SLC1A2: variants seen among roughly 807,000 people sequenced by gnomAD.
SLC1A2 encodes excitatory amino acid transporter 2.
A neutral mutation model predicts 48.8 loss-of-function variants in SLC1A2; 15 were observed. The observed-to-expected ratio is 0.31, with a 90% confidence interval of 0.21 to 0.47. SLC1A2 has a LOEUF of 0.47. SLC1A2 is among the 20% of genes least tolerant of loss of function. The probability of loss-of-function intolerance (pLI) is 0.99; values close to 1 mark genes in which losing one functional copy is unlikely to be tolerated. For missense variants in SLC1A2, 502 were observed against 730.5 expected, an observed-to-expected ratio of 0.69 and a Z score of 3.61; for synonymous variants, 279 against 272.6, an observed-to-expected ratio of 1.02 and a Z score of -0.23.
At chr11:35,284,087 TTATATA>T (rs34252173) in intron 8 of SLC1A2, among the ~76,000 whole-genome samples, 3 of 115,900 alleles carry the variant, frequency 2.6e-5, no homozygotes, top group Non-Finnish European at 3.5e-5. Context: ...GAAGATTTTA[TTATATA>T]TATATATATA....
intron 1 of SLC1A2, among the ~76,000 whole-genome samples, chr11:35,351,070 T>C (rs964927394): frequency 6.6e-6 from 1 of 152,220 alleles, no homozygotes; most frequent in African/African-American, 2.4e-5. Flanking sequence ...AATATACTAA[T>C]GATGGCTAAC....
chr11:35,271,205 C>G lies in SLC1A2; in HGVS notation c.1422-5447G>C, dbSNP rs16927226. Among the ~76,000 whole-genome samples the G allele has an allele frequency of 4.7e-3, 722 of 152,290 alleles. 7 individuals carry two copies. The highest frequency in any genetic ancestry group is 0.016 in the African/African-American group (685 of 41,552). On this transcript the variant is annotated intron_variant, in intron 9 of 10. Transcript: ENST00000278379. ...ATGGTCAGTTGGAGCGGGAAAGATT[C>G]TGGCTTTGGTTTGGACACGTTGAGG...
chr11:35,328,624 C>T (rs774592353), intron 1 of SLC1A2, among the ~76,000 whole-genome samples: 8 of 152,136 alleles, frequency 5.3e-5, no homozygotes, highest in Non-Finnish European at 1.2e-4. Context: ...CCCTCCAGCC[C>T]GAGAAAACTT....
chr11:35,329,689 C>T (rs1289455600), intron 1 of SLC1A2, among the ~76,000 whole-genome samples: 2 of 152,168 alleles, frequency 1.3e-5, no homozygotes, highest in Non-Finnish European at 2.9e-5. Flanking sequence ...ATCCACATAC[C>T]AATGTCTGGT....
chr11:35,346,055 GTTCT>G (rs1170984576), intron 1 of SLC1A2, among the ~76,000 whole-genome samples: 1 of 151,474 alleles, frequency 6.6e-6, no homozygotes, highest in Non-Finnish European at 1.5e-5. Flanking sequence ...GCAGACCCAT[GTTCT>G]TTTTTTTTTT....
At chr11:35,387,600 T>C (rs1015823380) in intron 1 of SLC1A2, among the ~76,000 whole-genome samples, 1 of 152,230 alleles carries the variant, frequency 6.6e-6, no homozygotes, top group Non-Finnish European at 1.5e-5. Context: ...CTATTTGTTT[T>C]TTGTTCTTTT....
intron 1 of SLC1A2, among the ~76,000 whole-genome samples, chr11:35,393,097 C>G (rs1003690547): frequency 1.3e-5 from 2 of 152,140 alleles, no homozygotes; most frequent in Non-Finnish European, 2.9e-5. Context: ...AGTATCTGGT[C>G]CTAGATTCAA....
intron 5 of SLC1A2, among the ~76,000 whole-genome samples, chr11:35,303,874 G>A (rs1851425847): frequency 6.6e-6 from 1 of 152,004 alleles, no homozygotes; most frequent in Admixed American, 6.6e-5. Context: ...TAATCCTCGG[G>A]ACTTTCCAAA....
At chr11:35,295,136 C>G (rs545289805) in intron 6 of SLC1A2, among the ~76,000 whole-genome samples, 1 of 152,132 alleles carries the variant, frequency 6.6e-6, no homozygotes, top group Admixed American at 6.5e-5. Flanking sequence ...TAACCTTGAC[C>G]TCCTGGGCTC....
intron 3 of SLC1A2, among the ~76,000 whole-genome samples, chr11:35,313,452 G>GT (rs929834701): frequency 6.6e-6 from 1 of 152,118 alleles, no homozygotes; most frequent in South Asian, 2.1e-4. Context: ...GCCCCACTGG[G>GT]TTTTTTTCCA....
At chr11:35,358,004 G>A (rs146089676) in intron 1 of SLC1A2, among the ~76,000 whole-genome samples, 2,819 of 152,146 alleles carry the variant, frequency 0.019, 40 homozygotes, top group Non-Finnish European at 0.029. Flanking sequence ...AATTAGCTGG[G>A]TGTGGTGGCA....
chr11:35,350,459 T>G (rs1355614900), intron 1 of SLC1A2, among the ~76,000 whole-genome samples: 1 of 152,154 alleles, frequency 6.6e-6, no homozygotes, highest in Non-Finnish European at 1.5e-5. Flanking sequence ...TACCCCAGAT[T>G]AGGGTGAGAA....
chr11:35,419,783 C>A (rs2135318277), upstream of SLC1A2: 2 of 311,748 alleles, frequency 6.4e-6, no homozygotes, highest in South Asian at 5.1e-5. This position sits in a 1 kb window ranked among gnomAD's most constrained non-coding sequence, Gnocchi z 5.4. Flanking sequence ...CCAGGTCACC[C>A]CGTGCGGGGT....
chr11:35,306,224 T>C lies in SLC1A2; in HGVS notation c.580A>G (p.Lys194Glu), dbSNP rs150854080. ...CFQQIQTVTKKVLVAPPPDEE... is the reference protein window; with the variant it reads ...CFQQIQTVTKEVLVAPPPDEE... Reference sequence around the variant, plus strand: ...TCCGGCGGTGGTGCAACCAGGACTTTCTTCGTCACTGTTTGAATCTAACAG... The same window carrying C: ...TCCGGCGGTGGTGCAACCAGGACTTCCTTCGTCACTGTTTGAATCTAACAG... The change falls in exon 5 of 11, where the codon AAA (lysine) becomes GAA (glutamate). Residue 194 changes from lysine (K) to glutamate (E), a missense_variant. Lys to Glu is a moderately conservative substitution (Grantham distance 56). Coordinates refer to ENST00000278379, the MANE Select transcript of SLC1A2 (RefSeq NM_004171.4). 3.4e-4 allele frequency: 552 copies of C among 1,613,816 alleles called. 4 individuals are homozygous for C. In the South Asian group the frequency reaches 5.4e-3, roughly 16 times the overall value.
At chr11:35,273,604 G>C (rs1286625054) in intron 9 of SLC1A2, among the ~76,000 whole-genome samples, 5 of 152,132 alleles carry the variant, frequency 3.3e-5, no homozygotes, top group African/African-American at 1.2e-4. Flanking sequence ...GGTGAAAAGG[G>C]GATCAGAGCA....
chr11:35,301,439 GC>G (rs1489696383), intron 6 of SLC1A2, 79 bp downstream of exon 6: 1 of 1,377,328 alleles, frequency 7.3e-7, no homozygotes, highest in Non-Finnish European at 1.0e-6. Flanking sequence ...ACTTTTTCCT[GC>G]AGGGAGAGCT....
upstream of SLC1A2, chr11:35,420,152 T>G: frequency 5.2e-6 from 1 of 192,386 alleles, no homozygotes; most frequent in Non-Finnish European, 1.1e-5. Flanking sequence ...TTTTTTTTTT[T>G]TAGGCCGAGA....
chr11:35,359,548 A>G (rs972897038), intron 1 of SLC1A2, among the ~76,000 whole-genome samples: 1 of 152,076 alleles, frequency 6.6e-6, no homozygotes, highest in African/African-American at 2.4e-5. Context: ...TGTAATCATG[A>G]GAGTAAAGTC....
At chr11:35,308,534 A>G (rs1851585309) in intron 4 of SLC1A2, among the ~76,000 whole-genome samples, 1 of 152,192 alleles carries the variant, frequency 6.6e-6, no homozygotes, top group South Asian at 2.1e-4. Context: ...CACAATGAAG[A>G]TATCAGCATC....
Sources: allele counts gnomAD v4.1 joint callset (sites outside exome capture counted in the v4.1 genomes callset), GRCh38; gene constraint gnomAD v4.1.1; non-coding constraint Gnocchi (gnomAD v3.1); transcripts MANE v1.5; gene names NCBI Gene and HGNC (gene_info 2026-07-23, HGNC 2026-07-21).